The following SLC24A3 variants were observed in gnomAD, a reference collection of about 807,000 sequenced individuals.
SLC24A3 encodes sodium/potassium/calcium exchanger 3.
Under a neutral mutation model 75.8 loss-of-function variants are expected in SLC24A3, and 28 were observed. That is an observed-to-expected ratio of 0.37 (90% CI 0.27 to 0.51). The LOEUF is 0.51. Ranked by LOEUF, SLC24A3 falls within the 20% of genes least tolerant of loss-of-function variation. The probability of loss-of-function intolerance (pLI) is 0.94; values close to 1 mark genes in which losing one functional copy is unlikely to be tolerated. For missense variants in SLC24A3, 663 were observed against 847.8 expected, an observed-to-expected ratio of 0.78 and a Z score of 2.71; for synonymous variants, 372 against 334.1, an observed-to-expected ratio of 1.11 and a Z score of -1.24.
intron 8 of SLC24A3, among the ~76,000 whole-genome samples, chr20:19,673,144 T>C (rs1167242650): frequency 1.3e-5 from 2 of 152,212 alleles, no homozygotes; most frequent in Admixed American, 6.5e-5. Flanking sequence ...CGTCTGTCTG[T>C]CTGCCTGCCT....
chr20:19,578,780 C>T (rs1417244214), intron 3 of SLC24A3, among the ~76,000 whole-genome samples: 4 of 152,178 alleles, frequency 2.6e-5, no homozygotes, highest in Non-Finnish European at 5.9e-5. Context: ...CTAAATCAAA[C>T]TGGCCTCAAC....
intron 2 of SLC24A3, among the ~76,000 whole-genome samples, chr20:19,438,338 T>G (rs546401799): frequency 6.6e-6 from 1 of 152,336 alleles, no homozygotes; most frequent in Non-Finnish European, 1.5e-5. Flanking sequence ...CAGCCGTTAT[T>G]TCTGAGTGAT....
chr20:19,658,571 T>TA (rs1302246858), intron 7 of SLC24A3, among the ~76,000 whole-genome samples: 1 of 152,190 alleles, frequency 6.6e-6, no homozygotes, highest in Non-Finnish European at 1.5e-5. Flanking sequence ...TTCAAAAACA[T>TA]AAAGTGTGTG....
At chr20:19,585,126 C>A in intron 5 of SLC24A3, 71 bp downstream of exon 5, 1 of 1,371,988 alleles carries the variant, frequency 7.3e-7, no homozygotes, top group Non-Finnish European at 1.0e-6. Context: ...AATGGATGGC[C>A]CCCAGACCGA....
intron 3 of SLC24A3, among the ~76,000 whole-genome samples, chr20:19,566,465 C>T (rs932049765): frequency 6.6e-6 from 1 of 152,184 alleles, no homozygotes; most frequent in Non-Finnish European, 1.5e-5. Context: ...ACCAGGGACT[C>T]CCACACTTCT....
intron 2 of SLC24A3, among the ~76,000 whole-genome samples, chr20:19,461,470 G>A (rs1053367726): frequency 6.6e-6 from 1 of 150,866 alleles, no homozygotes; most frequent in Non-Finnish European, 1.5e-5. Flanking sequence ...TAATATGCAT[G>A]CACTGGGCAC....
At chr20:19,433,042 T>C (rs1987132134) in intron 2 of SLC24A3, among the ~76,000 whole-genome samples, 1 of 152,222 alleles carries the variant, frequency 6.6e-6, no homozygotes, top group African/African-American at 2.4e-5. Context: ...ATTTCATTAT[T>C]CAGGTAGTTC....
In SLC24A3 at chr20:19,239,463, G is replaced by A. The variant is rs544416916; in HGVS notation, c.142+26479G>A. ...CGCTGCTCACCTGAGGACCTGCACG[G>A]GCAACTGGAAGGGGCCAGCTGAACA... is the stretch of plus-strand genomic sequence containing the variant. On this transcript the variant is annotated intron_variant, in intron 1 of 16. Transcript: ENST00000328041. 2.0e-5 allele frequency among the ~76,000 whole-genome samples: 3 copies of A among 152,338 alleles called. No individual in the cohort carries two copies. The South Asian group carries it at 6.2e-4, about 32-fold the overall frequency.
chr20:19,430,757 C>T lies in SLC24A3; in HGVS notation c.272-84731C>T, dbSNP rs556296919. ...ATGCACAAGCACAGCTAGGTAGACTCACACACTTGCATGCATGCACACACA... is the reference window on the plus strand; with the variant it reads ...ATGCACAAGCACAGCTAGGTAGACTTACACACTTGCATGCATGCACACACA... On this transcript the variant is annotated intron_variant, in intron 2 of 16. Transcript: ENST00000328041. Among the ~76,000 whole-genome samples, 3 of 151,822 alleles carry T rather than the reference C, an allele frequency of 2.0e-5. No individual in the cohort carries two copies. In the South Asian group the frequency reaches 6.2e-4, roughly 32 times the overall value.
At chr20:19,318,513 C>T (rs983900208) in intron 2 of SLC24A3, among the ~76,000 whole-genome samples, 1 of 152,168 alleles carries the variant, frequency 6.6e-6, no homozygotes, top group African/African-American at 2.4e-5. Flanking sequence ...CCAGAAAAGC[C>T]GAGTTAGCTC....
chr20:19,507,434 T>C (rs1988477478), intron 2 of SLC24A3, among the ~76,000 whole-genome samples: 1 of 152,224 alleles, frequency 6.6e-6, no homozygotes, highest in South Asian at 2.1e-4. Context: ...TACAATAATG[T>C]TATTTTTACT....
chr20:19,291,538 C>G (rs1472335978), intron 2 of SLC24A3, among the ~76,000 whole-genome samples: 1 of 152,218 alleles, frequency 6.6e-6, no homozygotes, highest in Non-Finnish European at 1.5e-5. Flanking sequence ...AGGTACATGT[C>G]TAGGCTATCC....
chr20:19,585,493 G>A lies in SLC24A3; in HGVS notation c.561G>A (p.Ala187=), dbSNP rs767769065. The part of the protein sequence containing the change: ...DVGVGTIVGS[A]VFNILCIIGV... ...GAGTTGGCACCATCGTGGGCTCAGC[G>A]GTATTCAACATCCTGTGCATCATTG... Residue 187 remains alanine (A), a synonymous_variant, in exon 6 of 17, where the codon GCG becomes GCA. Transcript: ENST00000328041. The A allele has an allele frequency of 1.4e-5, 22 of 1,614,174 alleles. No homozygotes were observed. Among genetic ancestry groups the A allele is most frequent in the Admixed American group, 5.0e-5 (3 of 60,022 alleles).
chr20:19,456,707 A>G (rs1987583944), intron 2 of SLC24A3, among the ~76,000 whole-genome samples: 1 of 152,224 alleles, frequency 6.6e-6, no homozygotes, highest in South Asian at 2.1e-4. Flanking sequence ...TGGCTCAGAC[A>G]TCCACTGTCA....
At chr20:19,381,209 A>G (rs971244200) in intron 2 of SLC24A3, among the ~76,000 whole-genome samples, 4 of 152,198 alleles carry the variant, frequency 2.6e-5, no homozygotes, top group Non-Finnish European at 5.9e-5. Flanking sequence ...GAACACCCAC[A>G]ATACTATGCA....
intron 2 of SLC24A3, among the ~76,000 whole-genome samples, chr20:19,425,893 A>G (rs1986998189): frequency 6.6e-6 from 1 of 152,064 alleles, no homozygotes; most frequent in African/African-American, 2.4e-5. Context: ...TGTGCCTTGG[A>G]TGGTCCTTAC....
intron 1 of SLC24A3, among the ~76,000 whole-genome samples, chr20:19,232,706 C>T (rs1053875032): frequency 6.6e-6 from 1 of 152,186 alleles, no homozygotes; most frequent in Non-Finnish European, 1.5e-5. Context: ...ATAGAGAACT[C>T]TGTTGGCTAA....
At chr20:19,590,997 T>C (rs894423701) in intron 6 of SLC24A3, among the ~76,000 whole-genome samples, 1 of 152,182 alleles carries the variant, frequency 6.6e-6, no homozygotes, top group African/African-American at 2.4e-5. Context: ...GGCTGTCTCT[T>C]GCACTGTCCC....
At chr20:19,398,697 G>T (rs1033518244) in intron 2 of SLC24A3, among the ~76,000 whole-genome samples, 1 of 152,040 alleles carries the variant, frequency 6.6e-6, no homozygotes, top group African/African-American at 2.4e-5. Flanking sequence ...TATTGCACTG[G>T]CTAGAACTTC....
Sources: gnomAD v4.1 joint callset for allele counts (sites outside exome capture counted in the v4.1 genomes callset) on GRCh38, gnomAD v4.1.1 for gene constraint, MANE v1.5 for transcripts, NCBI Gene and HGNC (gene_info 2026-07-23, HGNC 2026-07-21) for gene names.